Variants in PACS1 observed in about 807,000 individuals in gnomAD.
PACS1 encodes phosphofurin acidic cluster sorting protein 1.
A neutral mutation model predicts 115.0 loss-of-function variants in PACS1; 24 were observed. The observed-to-expected ratio is 0.21, with a 90% CI of 0.15 to 0.29. PACS1 has a LOEUF of 0.29. PACS1 is among the 10% of genes least tolerant of loss of function. The probability of loss-of-function intolerance (pLI) is 1.00; values close to 1 mark genes in which losing one functional copy is unlikely to be tolerated. For synonymous variants in PACS1, 453 were observed against 504.5 expected, an observed-to-expected ratio of 0.90 and a Z score of 1.37; for missense variants, 838 against 1,251.2, an observed-to-expected ratio of 0.67 and a Z score of 4.98.
At chr11:66,208,658 TA>T (rs769442696) in intron 2 of PACS1, among the ~76,000 whole-genome samples, 55 of 112,548 alleles carry the variant, frequency 4.9e-4, no homozygotes, top group African/African-American at 1.1e-3. Flanking sequence ...CTCTTTTTAT[TA>T]AAAAAAAAAA....
chr11:66,156,229 T>C (rs1859353375), intron 1 of PACS1, among the ~76,000 whole-genome samples: 1 of 115,876 alleles, frequency 8.6e-6, no homozygotes, highest in Non-Finnish European at 1.7e-5. Context: ...TATATATATA[T>C]ATATATATAT....
chr11:66,211,064 G>C, intron 3 of PACS1, 70 bp from the exon 4 acceptor site: 4 of 1,558,562 alleles, frequency 2.6e-6, no homozygotes, highest in Non-Finnish European at 2.6e-6. Flanking sequence ...GAAAGACTGT[G>C]TGTCCTCCAG....
rs1309560010 is a variant in PACS1, at chr11:66,235,590, T to C, written c.2207+187T>C. The C allele has an allele frequency of 3.3e-6, 2 of 603,070 alleles. No homozygotes were observed. The highest frequency in any genetic ancestry group is 5.9e-6 in the Non-Finnish European group (2 of 337,788). The allele number at this position is 603,070 out of a possible 1,614,324, so 37.4% of individuals were successfully genotyped here. Reference sequence around the variant, plus strand: ...TTCCTTGCCCAAGGCCTCCCACCCATAGGAGCCTGAGTTCATCAGTTTCCT... The same window carrying C: ...TTCCTTGCCCAAGGCCTCCCACCCACAGGAGCCTGAGTTCATCAGTTTCCT... On this transcript the variant is annotated intron_variant, in intron 18 of 23. Transcript: ENST00000320580. The surrounding 1 kb of genome is among the most constrained non-coding windows in gnomAD (Gnocchi z 5.6).
chr11:66,125,478 T>A (rs945899101), intron 1 of PACS1, among the ~76,000 whole-genome samples: 4 of 152,186 alleles, frequency 2.6e-5, no homozygotes. Flanking sequence ...GTCAAAAGGA[T>A]CTTAGAAGCA....
intron 1 of PACS1, among the ~76,000 whole-genome samples, chr11:66,124,012 G>A (rs1297780055): frequency 6.6e-6 from 1 of 152,130 alleles, no homozygotes; most frequent in East Asian, 1.9e-4. Flanking sequence ...TTGCTGTCTC[G>A]CTATCAGACT....
chr11:66,202,171 C>G (rs961595166), intron 2 of PACS1, among the ~76,000 whole-genome samples: 7 of 152,060 alleles, frequency 4.6e-5, no homozygotes, highest in Non-Finnish European at 1.0e-4. Flanking sequence ...TACAACCTTC[C>G]AAGATTGAAC....
chr11:66,234,360 C>A, intron 17 of PACS1, 118 bp downstream of exon 17: 2 of 734,488 alleles, frequency 2.7e-6, no homozygotes, highest in South Asian at 2.9e-5. Flanking sequence ...CCTTCCCGGT[C>A]ACTCTGTCCA....
At chr11:66,201,778 G>A (rs1391452589) in intron 2 of PACS1, among the ~76,000 whole-genome samples, 1 of 151,656 alleles carries the variant, frequency 6.6e-6, no homozygotes, top group East Asian at 1.9e-4. Context: ...TCCTGCCTCA[G>A]TCTCCTGAGT....
intron 1 of PACS1, among the ~76,000 whole-genome samples, chr11:66,103,766 A>G (rs1284176861): frequency 6.6e-6 from 1 of 151,922 alleles, no homozygotes; most frequent in Admixed American, 6.6e-5. Flanking sequence ...CATCCGCTTC[A>G]GCCTCCCAAA....
intron 1 of PACS1, among the ~76,000 whole-genome samples, chr11:66,166,459 T>G: frequency 6.6e-6 from 1 of 151,282 alleles, no homozygotes; most frequent in East Asian, 1.9e-4. Flanking sequence ...ATGTCACATC[T>G]TACAGCTGTC....
chr11:66,163,776 A>T (rs184855957), intron 1 of PACS1, among the ~76,000 whole-genome samples: 1 of 152,292 alleles, frequency 6.6e-6, no homozygotes, highest in Admixed American at 6.5e-5. Context: ...CTAAAGCAAA[A>T]TATAGGTCTT....
intron 1 of PACS1, among the ~76,000 whole-genome samples, chr11:66,176,677 A>AG (rs1227100752): frequency 2.0e-5 from 3 of 151,980 alleles, no homozygotes; most frequent in Admixed American, 2.0e-4. Context: ...GCCTCCCAAA[A>AG]TGCTGGGATT....
intron 12 of PACS1, 39 bp downstream of exon 12, chr11:66,230,702 A>G: frequency 1.2e-6 from 2 of 1,606,738 alleles, no homozygotes; most frequent in Non-Finnish European, 1.7e-6. Context: ...TACAGCCTGC[A>G]GCTGTGCTTA....
intron 1 of PACS1, among the ~76,000 whole-genome samples, chr11:66,129,899 A>G (rs1184073822): frequency 6.6e-6 from 1 of 152,160 alleles, no homozygotes; most frequent in Non-Finnish European, 1.5e-5. Context: ...GAGGACATCT[A>G]CCCATTTATG....
Position 66,235,482 on chromosome 11 carries a change from AT to A in PACS1, c.2207+83del. The A allele has an allele frequency of 1.9e-6, 2 of 1,053,956 alleles. No homozygotes were observed. Among genetic ancestry groups the A allele is most frequent in the Non-Finnish European group, 2.9e-6 (2 of 688,160 alleles). The allele number at this position is 1,053,956 out of a possible 1,614,324, so 65.3% of individuals were successfully genotyped here. ...TCTTGAGTCTTCCTTGCTTTCTCAC[AT>A]TTTCCTTCTCCACATGCTATATTCC... On this transcript the variant is annotated intron_variant, in intron 18 of 23. Transcript: ENST00000320580. The surrounding 1 kb of genome is among the most constrained non-coding windows in gnomAD (Gnocchi z 5.6).
rs536566036 is a variant in PACS1, at chr11:66,146,155, C to T, written c.357-47331C>T. ...ACAAACACTAATGGGACAAAAAAAA[C>T]AGGAAAGGGTGGTTCATATTCAGGG... On this transcript the variant is annotated intron_variant, in intron 1 of 23. Transcript: ENST00000320580. Among the ~76,000 whole-genome samples the T allele has an allele frequency of 5.9e-4, 89 of 150,380 alleles. 2 individuals carry two copies. In the South Asian group the frequency reaches 0.018, roughly 30 times the overall value.
At chr11:66,172,977 A>C (rs1435899065) in intron 1 of PACS1, among the ~76,000 whole-genome samples, 2 of 151,012 alleles carry the variant, frequency 1.3e-5, no homozygotes, top group African/African-American at 4.9e-5. Context: ...TCTGTCTCAA[A>C]AAAAAAAAAA....
intron 2 of PACS1, among the ~76,000 whole-genome samples, chr11:66,194,507 A>T (rs1156591868): frequency 1.3e-5 from 2 of 152,218 alleles, no homozygotes; most frequent in Non-Finnish European, 2.9e-5. Flanking sequence ...ACCTGTTGCC[A>T]GCTAATTACC....
chr11:66,176,813 C>G (rs181936698), intron 1 of PACS1, among the ~76,000 whole-genome samples: 78 of 152,282 alleles, frequency 5.1e-4, no homozygotes, highest in African/African-American at 1.8e-3. Flanking sequence ...GATCTTCCCC[C>G]TCCCTGCCAG....
Sources: gnomAD v4.1 joint callset for allele counts (sites outside exome capture counted in the v4.1 genomes callset) on GRCh38, gnomAD v4.1.1 for gene constraint, Gnocchi (gnomAD v3.1) non-coding constraint, MANE v1.5 for transcripts, NCBI Gene and HGNC (gene_info 2026-07-23, HGNC 2026-07-21) for gene names.